BARD1: variants seen among roughly 807,000 people sequenced by gnomAD.
BARD1 encodes BRCA1 associated RING domain 1.
A neutral mutation model predicts 77.0 loss-of-function variants in BARD1; 73 were observed. That is an observed-to-expected ratio of 0.95 (90% confidence interval 0.79 to 1.15). The LOEUF is 1.15. Ranked by LOEUF, BARD1 falls within the 50% of genes most tolerant of loss-of-function variation. The probability of loss-of-function intolerance (pLI) is 0.00; values close to 1 mark genes in which losing one functional copy is unlikely to be tolerated. For missense variants in BARD1, 993 were observed against 938.8 expected (o/e 1.06, Z -0.75); for synonymous variants, 384 against 338.0 (o/e 1.14, Z -1.49).
chr2:214,751,133 A>ACATTTTTTTTTTTTTT (rs1693409109), intron 7 of BARD1, among the ~76,000 whole-genome samples: 1 of 16,274 alleles, frequency 6.1e-5, no homozygotes, highest in African/African-American at 1.4e-4. Flanking sequence ...ATATATATAT[A>ACATTTTTTTTTTTTTT]TATATATATA....
chr2:214,770,420 G>A (rs969357909), intron 4 of BARD1, among the ~76,000 whole-genome samples: 1 of 152,162 alleles, frequency 6.6e-6, no homozygotes, highest in Non-Finnish European at 1.5e-5. Flanking sequence ...CTGATGCAAT[G>A]GAGAAGGCAG....
At chr2:214,759,183 A>C (rs1693833367) in intron 6 of BARD1, among the ~76,000 whole-genome samples, 2 of 152,212 alleles carry the variant, frequency 1.3e-5, no homozygotes. Context: ...TGGGACAATT[A>C]ATAGGTCCAA....
At chr2:214,763,700 G>T (rs570060453) in intron 6 of BARD1, among the ~76,000 whole-genome samples, 1 of 152,182 alleles carries the variant, frequency 6.6e-6, no homozygotes, top group Non-Finnish European at 1.5e-5. Context: ...TCCAGCAAGA[G>T]TAAGAGATAC....
Position 214,797,651 on chromosome 2 carries a change from C to T in BARD1, c.159-534G>A, listed in dbSNP as rs563242389. 5.3e-5 allele frequency among the ~76,000 whole-genome samples: 8 copies of T among 152,170 alleles called. No homozygotes were observed. The East Asian group carries it at 1.4e-3, about 26-fold the overall frequency. Reference sequence around the variant, plus strand: ...AAACCAGGATATCTAGTCATTTTGACCGTAAGAATCCAAGGTTTCCCAATT... The same window carrying T: ...AAACCAGGATATCTAGTCATTTTGATCGTAAGAATCCAAGGTTTCCCAATT... On this transcript the variant is annotated intron_variant, in intron 1 of 10. Transcript: ENST00000260947.
intron 2 of BARD1, among the ~76,000 whole-genome samples, chr2:214,795,886 A>G (rs530604227): frequency 1.3e-5 from 2 of 152,294 alleles, no homozygotes; most frequent in East Asian, 1.9e-4. Flanking sequence ...CGTATCTGGT[A>G]GGCAACAGGT....
chr2:214,809,565 G>A lies in BARD1; in HGVS notation c.5C>T (p.Pro2Leu), dbSNP rs1574870182. Residue 2 changes from proline to leucine, a missense_variant, in exon 1 of 11, where the codon CCG becomes CTG. Physicochemically the swap from Pro to Leu is moderately conservative, Grantham distance 98. Coordinates refer to ENST00000260947, the MANE Select transcript of BARD1 (RefSeq NM_000465.4). The part of the protein sequence containing the change: M[P>L]DNRQPRNRQP... ...CCGGTTCCTCGGCTGCCGATTATCC[G>A]GCATCGTCCCGCCTTCGGATGAAAG... 1.3e-6 allele frequency: 2 copies of A among 1,551,078 alleles called. No individual in the cohort carries two copies. Among genetic ancestry groups the A allele is most frequent in the South Asian group, 1.2e-5 (1 of 86,120 alleles).
chr2:214,765,382 G>C (rs1340893195), intron 6 of BARD1, among the ~76,000 whole-genome samples: 10 of 152,256 alleles, frequency 6.6e-5, no homozygotes, highest in Admixed American at 1.3e-4. Context: ...CAAACCACAA[G>C]ACAGGCTCTG....
At chr2:214,801,683 A>G (rs1306311710) in intron 1 of BARD1, among the ~76,000 whole-genome samples, 2 of 152,170 alleles carry the variant, frequency 1.3e-5, no homozygotes, top group Non-Finnish European at 2.9e-5. Flanking sequence ...TCTAAAGAAC[A>G]AAGTTGACTG....
At chr2:214,787,203 T>C (rs1254771810) in intron 3 of BARD1, among the ~76,000 whole-genome samples, 2 of 151,818 alleles carry the variant, frequency 1.3e-5, no homozygotes, top group South Asian at 2.1e-4. Flanking sequence ...GGCTTATATA[T>C]AGCAGCAACA....
chr2:214,767,828 T>C (rs778740022), intron 5 of BARD1, among the ~76,000 whole-genome samples, 174 bp from the exon 6 acceptor site: 1 of 152,208 alleles, frequency 6.6e-6, no homozygotes, highest in Non-Finnish European at 1.5e-5. Context: ...CTATTAATAA[T>C]CTTTCAATCA....
At chr2:214,747,968 C>T (rs114548245) in intron 7 of BARD1, among the ~76,000 whole-genome samples, 1 of 151,894 alleles carries the variant, frequency 6.6e-6, no homozygotes, top group Admixed American at 6.6e-5. Context: ...AAAAACACTA[C>T]AGTATTTCAA....
At chr2:214,757,087 T>C (rs1207128355) in intron 6 of BARD1, among the ~76,000 whole-genome samples, 3 of 152,208 alleles carry the variant, frequency 2.0e-5, no homozygotes, top group South Asian at 2.1e-4. Flanking sequence ...TCTCCCACCA[T>C]GACTGTAAGT....
At chr2:214,738,970 T>A (rs1323451734) in intron 9 of BARD1, among the ~76,000 whole-genome samples, 2 of 151,618 alleles carry the variant, frequency 1.3e-5, no homozygotes, top group Non-Finnish European at 2.9e-5. Flanking sequence ...CAAAGTGAGA[T>A]CTCTGCCTCA....
rs786202110 is a variant in BARD1, at chr2:214,781,309, C to T, written c.565G>A (p.Ala189Thr). ...TTTTTAGCCCTCTCAGAAACATCTG[C>T]AGGAGGACTTGGGGAAACAAATTCA... ...SYEFVSPSPP[A>T]DVSERAKKAS... The change falls in exon 4 of 11, where the codon GCA (alanine) becomes ACA (threonine). Residue 189 changes from alanine (A) to threonine (T), a missense_variant. Transcript: ENST00000260947. The T allele has an allele frequency of 1.2e-6, 2 of 1,611,724 alleles. No individual in the cohort carries two copies. Among genetic ancestry groups the T allele is most frequent in the Non-Finnish European group, 1.7e-6 (2 of 1,179,498 alleles).
chr2:214,769,737 T>C (rs2106082597), intron 4 of BARD1, among the ~76,000 whole-genome samples: 1 of 152,196 alleles, frequency 6.6e-6, no homozygotes, highest in Non-Finnish European at 1.5e-5. Context: ...CAAGACTCCG[T>C]CTCAAAAAAA....
At chr2:214,755,088 C>A (rs77812196) in intron 6 of BARD1, among the ~76,000 whole-genome samples, 2,218 of 152,180 alleles carry the variant, frequency 0.015, 45 homozygotes, top group East Asian at 0.084. Flanking sequence ...TGTGAAAAAT[C>A]AATTTAAAAT....
chr2:214,787,872 G>T (rs988114254), intron 3 of BARD1, among the ~76,000 whole-genome samples: 24 of 151,816 alleles, frequency 1.6e-4, no homozygotes, highest in Non-Finnish European at 3.2e-4. Context: ...CTCTATTATA[G>T]GTTTCACAAC....
Position 214,751,722 on chromosome 2 carries a change from T to C in BARD1, c.1677+725A>G, listed in dbSNP as rs889988481. Among the ~76,000 whole-genome samples, 31 of 152,308 alleles carry C rather than the reference T, an allele frequency of 2.0e-4. No individual in the cohort carries two copies. The South Asian group carries it at 4.1e-3, about 20-fold the overall frequency. ...CATTTCATGTTTTACAGACATCAAA[T>C]TGGCACATAGAACTATTGATTTCCT... On this transcript the variant is annotated intron_variant, in intron 7 of 10. Transcript: ENST00000260947.
At chr2:214,748,078 C>T (rs947778285) in intron 7 of BARD1, among the ~76,000 whole-genome samples, 1 of 151,980 alleles carries the variant, frequency 6.6e-6, no homozygotes, top group African/African-American at 2.4e-5. Context: ...GTTCTCTGCA[C>T]AAAACACAAG....
Sources: gnomAD v4.1 joint callset for allele counts (sites outside exome capture counted in the v4.1 genomes callset) on GRCh38, gnomAD v4.1.1 for gene constraint, MANE v1.5 for transcripts, NCBI Gene and HGNC (gene_info 2026-07-23, HGNC 2026-07-21) for gene names.